The following PCOLCE2 variants were observed in gnomAD, a reference collection of about 807,000 sequenced individuals.
PCOLCE2 encodes procollagen C-proteinase enhancer 2.
A neutral mutation model predicts 47.0 loss-of-function variants in PCOLCE2; 42 were observed. The observed-to-expected ratio is 0.89, with a 90% CI of 0.70 to 1.16. The LOEUF is 1.16. Ranked by LOEUF, PCOLCE2 falls within the 50% of genes most tolerant of loss-of-function variation. The pLI is 0.00. For missense variants in PCOLCE2, 500 were observed against 526.1 expected, an observed-to-expected ratio of 0.95 and a Z score of 0.49; for synonymous variants, 169 against 191.7, an observed-to-expected ratio of 0.88 and a Z score of 0.98.
At chr3:142,834,266 C>T (rs1302609056) in intron 5 of PCOLCE2, among the ~76,000 whole-genome samples, 2 of 152,228 alleles carry the variant, frequency 1.3e-5, no homozygotes, top group Non-Finnish European at 2.9e-5. Flanking sequence ...AACTGTCTTA[C>T]TTTTGCCCCC....
At chr3:142,825,685 T>C (rs1167724960) in intron 6 of PCOLCE2, among the ~76,000 whole-genome samples, 1 of 152,238 alleles carries the variant, frequency 6.6e-6, no homozygotes, top group Non-Finnish European at 1.5e-5. Flanking sequence ...TGCTCTCATT[T>C]TTCCCAACCC....
At chr3:142,849,224 A>G (rs868485662) in intron 2 of PCOLCE2, among the ~76,000 whole-genome samples, 17 of 152,318 alleles carry the variant, frequency 1.1e-4, no homozygotes, top group Middle Eastern at 3.4e-3. Context: ...GAATGTTTCT[A>G]TGAAGTTCAA....
intron 3 of PCOLCE2, 157 bp from the exon 4 acceptor site, chr3:142,843,205 A>G (rs1937287061): frequency 2.7e-6 from 2 of 728,784 alleles, no homozygotes; most frequent in African/African-American, 3.5e-5. Context: ...ATGGTTACAT[A>G]CATAACCCCC....
chr3:142,836,706 G>A lies in PCOLCE2; in HGVS notation c.710+2064C>T, dbSNP rs1035748312. ...GGAAGAAAAGTTAGACCAGGACAGA[G>A]TCAATAGAGTTTAAAACTTTTTTTT... On this transcript the variant is annotated intron_variant, in intron 5 of 8. Transcript: ENST00000295992. Among the ~76,000 whole-genome samples, 11 of 152,226 alleles carry A rather than the reference G, an allele frequency of 7.2e-5. No homozygotes were observed. In the East Asian group the frequency reaches 1.3e-3, roughly 19 times the overall value.
At chr3:142,870,562 A>ATT (rs1454753666) in intron 2 of PCOLCE2, among the ~76,000 whole-genome samples, 1 of 152,128 alleles carries the variant, frequency 6.6e-6, no homozygotes, top group African/African-American at 2.4e-5. Flanking sequence ...CTGACGCCTT[A>ATT]TTTTCAATGT....
intron 7 of PCOLCE2, among the ~76,000 whole-genome samples, chr3:142,822,730 A>G (rs756931944): frequency 1.3e-5 from 2 of 152,190 alleles, no homozygotes; most frequent in Admixed American, 6.5e-5. Context: ...AGGGTCCCAG[A>G]GTCTTCAGTG....
chr3:142,840,810 T>G (rs923328328), intron 4 of PCOLCE2, among the ~76,000 whole-genome samples: 22 of 152,188 alleles, frequency 1.4e-4, no homozygotes, highest in Non-Finnish European at 3.1e-4. Flanking sequence ...GCGTGGTGGC[T>G]CACGCCTGTA....
chr3:142,848,481 A>G lies in PCOLCE2; in HGVS notation c.193-9T>C. The G allele has an allele frequency of 1.9e-6, 3 of 1,592,412 alleles. No homozygotes were observed. Among genetic ancestry groups the G allele is most frequent in the Non-Finnish European group, 2.6e-6 (3 of 1,165,366 alleles). ...ACTTTTCCTTCGGGAACCTGCCAAG[A>G]AAAGCGCCAATTAGAAAACTGTCAT... On this transcript the variant is annotated splice_polypyrimidine_tract_variant and intron_variant, in intron 2 of 8. Transcript: ENST00000295992.
intron 2 of PCOLCE2, among the ~76,000 whole-genome samples, chr3:142,878,065 T>C (rs1933534715): frequency 6.6e-6 from 1 of 152,220 alleles, no homozygotes. Flanking sequence ...CTGGGTTCCC[T>C]GTGCTTTTCT....
rs777133895 is a variant in PCOLCE2, at chr3:142,818,895, G to A, written c.1118-430C>T. Among the ~76,000 whole-genome samples the A allele has an allele frequency of 3.9e-5, 6 of 152,330 alleles. No individual in the cohort carries two copies. In the South Asian group the frequency reaches 1.2e-3, roughly 32 times the overall value. ...CTGTAGGTCTGTTGTGGTTTCAAATGCCTGCTATGAAGAATGCACCGCGTT... is the reference window on the plus strand; with the variant it reads ...CTGTAGGTCTGTTGTGGTTTCAAATACCTGCTATGAAGAATGCACCGCGTT... On this transcript the variant is annotated intron_variant, in intron 8 of 8. Coordinates refer to ENST00000295992, the MANE Select transcript of PCOLCE2 (RefSeq NM_013363.4).
intron 5 of PCOLCE2, among the ~76,000 whole-genome samples, chr3:142,837,122 G>T (rs1025524802): frequency 6.6e-6 from 1 of 152,220 alleles, no homozygotes; most frequent in East Asian, 1.9e-4. Flanking sequence ...ACACTTTGCC[G>T]ATGAAGGAAG....
intron 4 of PCOLCE2, among the ~76,000 whole-genome samples, chr3:142,840,912 A>G (rs1352559288): frequency 1.3e-5 from 2 of 152,032 alleles, no homozygotes; most frequent in Non-Finnish European, 2.9e-5. Flanking sequence ...CATCTCCACT[A>G]AAAATACAAA....
At chr3:142,866,992 G>C (rs1416308490) in intron 2 of PCOLCE2, among the ~76,000 whole-genome samples, 1 of 152,198 alleles carries the variant, frequency 6.6e-6, no homozygotes, top group Admixed American at 6.5e-5. Context: ...ATGTGTACAG[G>C]TATCATGGCA....
At position 142,818,454 on chromosome 3, in the gene PCOLCE2, T is replaced by C; in HGVS notation, c.1129A>G (p.Ile377Val). 2 of 1,611,458 alleles carry C rather than the reference T, an allele frequency of 1.2e-6. No homozygotes were observed. Among genetic ancestry groups the C allele is most frequent in the East Asian group, 4.5e-5 (2 of 44,862 alleles). Reference protein sequence around the residue: ...CPLLRRGLNYIIMGQVGEDGR... With the variant: ...CPLLRRGLNYVIMGQVGEDGR... Reference sequence around the variant, plus strand: ...TCTTCACCTACTTGGCCCATAATAATGTAATTTAGACCTAAAGAAAGAGAA... The same window carrying C: ...TCTTCACCTACTTGGCCCATAATAACGTAATTTAGACCTAAAGAAAGAGAA... The change falls in exon 9 of 9, where the codon ATT (isoleucine) becomes GTT (valine). Residue 377 changes from isoleucine (I) to valine (V), a missense_variant. Physicochemically the swap from Ile to Val is conservative, Grantham distance 29. Coordinates refer to ENST00000295992, the MANE Select transcript of PCOLCE2 (RefSeq NM_013363.4).
chr3:142,828,844 A>G (rs1937113647), intron 6 of PCOLCE2, among the ~76,000 whole-genome samples: 1 of 152,188 alleles, frequency 6.6e-6, no homozygotes, highest in African/African-American at 2.4e-5. Flanking sequence ...GGAGAAATAC[A>G]GCAGTTACAT....
In PCOLCE2 at chr3:142,827,211, C is replaced by T. The variant is rs116830415; in HGVS notation, c.865+2481G>A. On this transcript the variant is annotated intron_variant, in intron 6 of 8. Transcript: ENST00000295992. The stretch of plus-strand genomic sequence containing the variant: ...ATCTCTGAGATGGCGGAGGGGATGC[C>T]GATGTGCTGGTGGTTGCCACCTCCA... 2,124 of 1,258,140 alleles carry T rather than the reference C, an allele frequency of 1.7e-3. 25 individuals are homozygous for T. The African/African-American group carries it at 0.027, about 16-fold the overall frequency. The allele number at this position is 1,258,140 out of a possible 1,614,324, so 77.9% of individuals were successfully genotyped here.
intron 2 of PCOLCE2, among the ~76,000 whole-genome samples, chr3:142,856,709 G>A (rs982941252): frequency 2.0e-5 from 3 of 152,304 alleles, no homozygotes; most frequent in East Asian, 1.9e-4. Flanking sequence ...AAGAGATAAC[G>A]TTGAAAACGA....
intron 5 of PCOLCE2, among the ~76,000 whole-genome samples, chr3:142,834,686 G>A (rs1476285710): frequency 6.6e-6 from 1 of 152,094 alleles, no homozygotes; most frequent in Admixed American, 6.5e-5. Flanking sequence ...CCTGGTCATA[G>A]AATTTTTTTT....
At chr3:142,837,751 G>A (rs1229406366) in intron 5 of PCOLCE2, among the ~76,000 whole-genome samples, 1 of 152,174 alleles carries the variant, frequency 6.6e-6, no homozygotes, top group African/African-American at 2.4e-5. Flanking sequence ...TATAAATGCA[G>A]TTACATAATT....
Sources: allele counts gnomAD v4.1 joint callset (sites outside exome capture counted in the v4.1 genomes callset), GRCh38; gene constraint gnomAD v4.1.1; transcripts MANE v1.5; gene names NCBI Gene and HGNC (gene_info 2026-07-23, HGNC 2026-07-21).